The following C19orf12 variants were observed in gnomAD, a reference collection of about 807,000 sequenced individuals.
C19orf12 encodes chromosome 19 open reading frame 12.
Under a neutral mutation model 3.8 loss-of-function variants are expected in C19orf12, and 2 were observed. The observed-to-expected ratio is 0.53, with a 90% CI of 0.22 to 1.66. The LOEUF is 1.66. Ranked by LOEUF, C19orf12 falls within the 40% of genes most tolerant of loss-of-function variation. C19orf12 has a pLI of 0.20. For synonymous variants in C19orf12, 89 were observed against 84.6 expected, an observed-to-expected ratio of 1.05 and a Z score of -0.28; for missense variants, 156 against 188.8, an observed-to-expected ratio of 0.83 and a Z score of 1.02.
chr19:29,705,708 G>A (rs1972344515), intron 2 of C19orf12, among the ~76,000 whole-genome samples: 1 of 151,644 alleles, frequency 6.6e-6, no homozygotes, highest in Non-Finnish European at 1.5e-5. Context: ...GTAGAGACGG[G>A]GTCTCATTAT....
chr19:29,702,435 C>T lies in C19orf12; in HGVS notation c.*277G>A, dbSNP rs1179720831. The T allele has an allele frequency of 1.5e-6, 1 of 645,400 alleles. No individual in the cohort carries two copies. The highest frequency in any genetic ancestry group is 1.8e-5 in the African/African-American group (1 of 56,128). 40.0% of individuals were successfully genotyped at this position (645,400 alleles called of 1,614,324 possible). A position where few individuals can be genotyped will look rare whatever the true frequency, so the allele number is the denominator to read the frequency against. On this transcript the variant is annotated 3_prime_UTR_variant, in exon 3 of 3. Coordinates refer to ENST00000323670, the MANE Select transcript of C19orf12 (RefSeq NM_031448.6). Reference sequence around the variant, plus strand: ...GAGGACTCAGCAGACGCCTCCGAAGCCTGCGGCAGGCAGGCCTTTACTCTT... The same window carrying T: ...GAGGACTCAGCAGACGCCTCCGAAGTCTGCGGCAGGCAGGCCTTTACTCTT...
rs772533327 is a variant in C19orf12, at chr19:29,702,565, G to A, written c.*147C>T. The A allele has an allele frequency of 9.4e-7, 1 of 1,067,346 alleles. No homozygotes were observed. The highest frequency in any genetic ancestry group is 1.3e-5 in the South Asian group (1 of 77,470). The allele number at this position is 1,067,346 out of a possible 1,614,324, so 66.1% of individuals were successfully genotyped here. On this transcript the variant is annotated 3_prime_UTR_variant, in exon 3 of 3. Transcript: ENST00000323670. The stretch of plus-strand genomic sequence containing the variant: ...TGGAACATGACACTGCACAGCGGTG[G>A]CCTCTCCAGCGGGACATTACTAGTA...
intron 1 of C19orf12, among the ~76,000 whole-genome samples, chr19:29,710,362 C>G (rs905107416): frequency 6.6e-6 from 1 of 152,152 alleles, no homozygotes; most frequent in African/African-American, 2.4e-5. Context: ...CTGTAAATTT[C>G]CCTTCTTTTT....
chr19:29,714,877 C>G (rs772679301), intron 1 of C19orf12: 13 of 703,660 alleles, frequency 1.8e-5, no homozygotes, highest in South Asian at 1.4e-4. Context: ...AGCCAGGGCC[C>G]GGGACTCTAG....
At chr19:29,707,581 AC>A (rs2145637088) in intron 2 of C19orf12, among the ~76,000 whole-genome samples, 1 of 152,248 alleles carries the variant, frequency 6.6e-6, no homozygotes, top group East Asian at 1.9e-4. Flanking sequence ...CCACCATGGG[AC>A]CCAGGACACC....
rs1175204459 is a variant in C19orf12, at chr19:29,702,108, T to A, written c.*604A>T. On this transcript the variant is annotated 3_prime_UTR_variant, in exon 3 of 3. Coordinates refer to ENST00000323670, the MANE Select transcript of C19orf12 (RefSeq NM_031448.6). ...GGGCGAGTCTAGGTGTGCAGCCTAG[T>A]GGGGGCCGGGGTCAAGTCCACTCGG... 1 of 450,324 alleles carries A rather than the reference T, an allele frequency of 2.2e-6. No individual in the cohort carries two copies. The highest frequency in any genetic ancestry group is 1.6e-5 in the South Asian group (1 of 64,152). The allele number at this position is 450,324 out of a possible 1,614,324, so 27.9% of individuals were successfully genotyped here.
In C19orf12 at chr19:29,701,828, G is replaced by A. The variant is rs1475131691; in HGVS notation, c.*884C>T. ...AGTAAATATTTTTAAATTAAGGTTT[G>A]TACATTTGTTAGACATAATGCTATT... On this transcript the variant is annotated 3_prime_UTR_variant, in exon 3 of 3. Coordinates refer to ENST00000323670, the MANE Select transcript of C19orf12 (RefSeq NM_031448.6). The A allele has an allele frequency of 2.2e-6, 1 of 453,604 alleles. No individual in the cohort carries two copies. Among genetic ancestry groups the A allele is most frequent in the South Asian group, 1.6e-5 (1 of 64,376 alleles). The allele number at this position is 453,604 out of a possible 1,614,324, so 28.1% of individuals were successfully genotyped here.
chr19:29,706,071 G>A (rs1303169292), intron 2 of C19orf12, among the ~76,000 whole-genome samples: 1 of 152,220 alleles, frequency 6.6e-6, no homozygotes, highest in Non-Finnish European at 1.5e-5. Context: ...GGCCCCTGGA[G>A]CAGACACCAC....
At position 29,701,350 on chromosome 19, in the gene C19orf12, C is replaced by T. The variant is rs113343769; in HGVS notation, c.*1362G>A. Reference sequence around the variant, plus strand: ...GATGGGCAATGGCATAGCGTTTGCACGTAACCTACGCACACCTTCCTGTAT... The same window carrying T: ...GATGGGCAATGGCATAGCGTTTGCATGTAACCTACGCACACCTTCCTGTAT... On this transcript the variant is annotated 3_prime_UTR_variant, in exon 3 of 3. Coordinates refer to ENST00000323670, the MANE Select transcript of C19orf12 (RefSeq NM_031448.6). The T allele has an allele frequency of 8.3e-3, 3,775 of 454,090 alleles. 127 individuals carry two copies. The highest frequency in any genetic ancestry group is 0.07 in the African/African-American group (3,501 of 50,082). The allele number at this position is 454,090 out of a possible 1,614,324, so 28.1% of individuals were successfully genotyped here. A position where few individuals can be genotyped will look rare whatever the true frequency, so the allele number is the denominator to read the frequency against.
At position 29,700,325 on chromosome 19, in the gene C19orf12, A is replaced by G. The variant is rs1972019365; in HGVS notation, c.*2387T>C. 1 of 454,140 alleles carries G rather than the reference A, an allele frequency of 2.2e-6. No homozygotes were observed. Among genetic ancestry groups the G allele is most frequent in the Non-Finnish European group, 4.4e-6 (1 of 226,798 alleles). The allele number at this position is 454,140 out of a possible 1,614,324, so 28.1% of individuals were successfully genotyped here. ...AAGTTGGCATTTGTTCAACATGGAA[A>G]AAGTGTCCCCCAACTTTGAAGCACT... On this transcript the variant is annotated 3_prime_UTR_variant, in exon 3 of 3. Coordinates refer to ENST00000323670, the MANE Select transcript of C19orf12 (RefSeq NM_031448.6).
chr19:29,705,279 C>T (rs980979469), intron 2 of C19orf12: 1 of 438,912 alleles, frequency 2.3e-6, no homozygotes, highest in African/African-American at 2.0e-5. Flanking sequence ...AATACCTGCC[C>T]AGTACTCCTC....
chr19:29,708,576 G>T (rs1056908739), intron 1 of C19orf12, 153 bp from the exon 2 acceptor site: 2 of 926,886 alleles, frequency 2.2e-6, no homozygotes, highest in Admixed American at 2.0e-5. Flanking sequence ...GCATCCAGAC[G>T]GTGGAAAGTT....
intron 1 of C19orf12, 157 bp from the exon 2 acceptor site, chr19:29,708,580 G>A: frequency 1.1e-6 from 1 of 888,784 alleles, no homozygotes; most frequent in Non-Finnish European, 1.8e-6. Context: ...CCAGACGGTG[G>A]AAAGTTCCCA....
rs1568323358 is a variant in C19orf12 at position 29,701,190 on chromosome 19, A to C, written c.*1522T>G. On this transcript the variant is annotated 3_prime_UTR_variant, in exon 3 of 3. Coordinates refer to ENST00000323670, the MANE Select transcript of C19orf12 (RefSeq NM_031448.6). The stretch of plus-strand genomic sequence containing the variant: ...TTTAGAAAAACATTTATTGTAATCG[A>C]TCACATTCAAGTCGTAGTTCTGAAA... 2.2e-6 allele frequency: 1 copy of C among 454,158 alleles called. No homozygotes were observed. The highest frequency in any genetic ancestry group is 4.4e-6 in the Non-Finnish European group (1 of 226,804). The allele number at this position is 454,158 out of a possible 1,614,324, so 28.1% of individuals were successfully genotyped here. A position where few individuals can be genotyped will look rare whatever the true frequency, so the allele number is the denominator to read the frequency against.
rs775127502 is a variant in C19orf12 at position 29,699,877 on chromosome 19, C to T, written c.*2835G>A. On this transcript the variant is annotated 3_prime_UTR_variant, in exon 3 of 3. Transcript: ENST00000323670. ...GATACAGATATATAAATACTAAAAC[C>T]ACAGGAGCTGAGAAGCAGCGCTTGA... 3 of 453,926 alleles carry T rather than the reference C, an allele frequency of 6.6e-6. No individual in the cohort carries two copies. The highest frequency in any genetic ancestry group is 4.7e-5 in the South Asian group (3 of 64,472). 28.1% of individuals were successfully genotyped at this position (453,926 alleles called of 1,614,324 possible).
chr19:29,715,485 C>A, upstream of C19orf12: 1 of 360,298 alleles, frequency 2.8e-6, no homozygotes, highest in Non-Finnish European at 5.7e-6. Flanking sequence ...GTCCTGGGAA[C>A]CGCAAGGCCG....
intron 2 of C19orf12, 123 bp downstream of exon 2, chr19:29,708,131 G>A (rs962817201): frequency 4.0e-5 from 55 of 1,386,808 alleles, no homozygotes; most frequent in African/African-American, 9.9e-5. Context: ...CGCCCGCCTC[G>A]GCCTCCCAAA....
chr19:29,708,397 T>C lies in C19orf12; in HGVS notation c.17A>G (p.Glu6Gly). The C allele has an allele frequency of 6.2e-7, 1 of 1,614,058 alleles. No individual in the cohort carries two copies. Among genetic ancestry groups the C allele is most frequent in the Middle Eastern group, 1.6e-4 (1 of 6,062 alleles). ...GGAGCACAGCAGCTTCATGATGTCCTCCACCATGATAGTCATCGTGGCGGG... is the reference window on the plus strand; with the variant it reads ...GGAGCACAGCAGCTTCATGATGTCCCCCACCATGATAGTCATCGTGGCGGG... MTIMVEDIMKLLCSLS... is the reference protein window; with the variant it reads MTIMVGDIMKLLCSLS... The change falls in exon 2 of 3, where the codon GAG becomes GGG. Residue 6 changes from glutamate (E) to glycine (G), a missense_variant. Physicochemically the swap from Glu to Gly is moderately conservative, Grantham distance 98 (BLOSUM62 -2). Coordinates refer to ENST00000323670, the MANE Select transcript of C19orf12 (RefSeq NM_031448.6).
In C19orf12 at chr19:29,701,257, T is replaced by C. The variant is rs971872055; in HGVS notation, c.*1455A>G. The C allele has an allele frequency of 6.6e-6, 3 of 454,012 alleles. No homozygotes were observed. The highest frequency in any genetic ancestry group is 6.0e-5 in the African/African-American group (3 of 50,014). The allele number at this position is 454,012 out of a possible 1,614,324, so 28.1% of individuals were successfully genotyped here. A position where few individuals can be genotyped will look rare whatever the true frequency, so the allele number is the denominator to read the frequency against. On this transcript the variant is annotated 3_prime_UTR_variant, in exon 3 of 3. Transcript: ENST00000323670. ...CAGTACAGCTATGCCTCAGTATCCATGGGGGATGGGTTCCAGGACTGCAAC... is the reference window on the plus strand; with the variant it reads ...CAGTACAGCTATGCCTCAGTATCCACGGGGGATGGGTTCCAGGACTGCAAC...
Sources: allele counts gnomAD v4.1 joint callset (sites outside exome capture counted in the v4.1 genomes callset), GRCh38; gene constraint gnomAD v4.1.1; transcripts MANE v1.5; gene names NCBI Gene and HGNC (gene_info 2026-07-23, HGNC 2026-07-21).